PLXNC1: variants seen among roughly 807,000 people sequenced by gnomAD.
PLXNC1 encodes plexin C1.
PLXNC1 carries 75 observed loss-of-function variants against 178.2 expected under a neutral mutation model. The observed-to-expected ratio is 0.42, with a 90% CI of 0.35 to 0.51. The LOEUF is 0.51. Among genes scored for constraint, PLXNC1 ranks in the 20% least tolerant of loss-of-function variants. PLXNC1 has a pLI of 0.02. For missense variants in PLXNC1, 1,503 were observed against 1,984.4 expected (o/e 0.76, Z 4.61); for synonymous variants, 790 against 779.9 (o/e 1.01, Z -0.22).
In PLXNC1 at chr12:94,148,754, G is replaced by T. The variant is rs1318582771; in HGVS notation, c.-218G>T. On this transcript the variant is annotated 5_prime_UTR_variant, in exon 1 of 31. Coordinates refer to ENST00000258526, the MANE Select transcript of PLXNC1 (RefSeq NM_005761.3). This position sits in a 1 kb window ranked among gnomAD's most constrained non-coding sequence, Gnocchi z 4.8. ...AGGAAACGGTGCCGGAGCGCGCAGG[G>T]CTTGCTGCCGCCACCGCCGCTGCAC... The T allele has an allele frequency of 1.3e-5, 2 of 151,418 alleles. No homozygotes were observed. Among genetic ancestry groups the T allele is most frequent in the Non-Finnish European group, 3.0e-5 (2 of 67,684 alleles). 9.4% of individuals were successfully genotyped at this position (151,418 alleles called of 1,614,324 possible).
At chr12:94,179,330 A>G (rs1319829166) in intron 2 of PLXNC1, among the ~76,000 whole-genome samples, 2 of 152,226 alleles carry the variant, frequency 1.3e-5, no homozygotes, top group Non-Finnish European at 2.9e-5. Flanking sequence ...GAATACAGAT[A>G]ATCTATCTGG....
chr12:94,249,945 G>GTGGGGGGA (rs1488983352), intron 14 of PLXNC1, among the ~76,000 whole-genome samples: 5 of 125,186 alleles, frequency 4.0e-5, no homozygotes, highest in Admixed American at 8.5e-5. Flanking sequence ...GGGTGGGGGG[G>GTGGGGGGA]TGGGAACAGG....
At chr12:94,164,682 CACACACACACACACACACACACACGT>C (rs1380960310) in intron 1 of PLXNC1, among the ~76,000 whole-genome samples, 62 of 150,860 alleles carry the variant, frequency 4.1e-4, no homozygotes, top group African/African-American at 1.5e-3. Flanking sequence ...CACACACACA[CACACACACACACACACACACACACGT>C]ACACACACAA....
intron 15 of PLXNC1, among the ~76,000 whole-genome samples, chr12:94,252,757 A>T (rs1361777050): frequency 6.6e-6 from 1 of 152,200 alleles, no homozygotes; most frequent in East Asian, 1.9e-4. Flanking sequence ...GGTTTTGACC[A>T]CAGTCGCCAC....
intron 2 of PLXNC1, among the ~76,000 whole-genome samples, chr12:94,177,481 T>TA (rs1565794759): frequency 1.4e-5 from 2 of 138,794 alleles, no homozygotes; most frequent in Non-Finnish European, 3.1e-5. Flanking sequence ...TGATAACTTG[T>TA]AAAAAAAGAA....
intron 9 of PLXNC1, among the ~76,000 whole-genome samples, chr12:94,232,245 C>G (rs1964122648): frequency 6.6e-6 from 1 of 152,160 alleles, no homozygotes; most frequent in African/African-American, 2.4e-5. Flanking sequence ...CGCCACCATG[C>G]CCAGCTAATT....
At chr12:94,181,887 T>TGTGGCACTGAACGG (rs1565797026) in intron 3 of PLXNC1, among the ~76,000 whole-genome samples, 6 of 152,168 alleles carry the variant, frequency 3.9e-5, no homozygotes, top group Admixed American at 1.3e-4. Context: ...TACACATTTA[T>TGTGGCACTGAACGG]TGTGTGGGCA....
intron 23 of PLXNC1, among the ~76,000 whole-genome samples, chr12:94,291,682 C>T (rs529912463): frequency 6.6e-5 from 10 of 152,230 alleles, no homozygotes; most frequent in Non-Finnish European, 1.2e-4. Flanking sequence ...CATTAACAGT[C>T]ACTCCTTATT....
At chr12:94,217,941 A>T (rs1963691036) in intron 5 of PLXNC1, among the ~76,000 whole-genome samples, 1 of 152,260 alleles carries the variant, frequency 6.6e-6, no homozygotes, top group African/African-American at 2.4e-5. Context: ...AAATGGAATA[A>T]TTATAGTTAT....
At chr12:94,251,394 A>T (rs758659608) in intron 14 of PLXNC1, 32 bp from the exon 15 acceptor site, 3 of 1,277,434 alleles carry the variant, frequency 2.3e-6, no homozygotes, top group South Asian at 2.4e-5. Flanking sequence ...CCCCAACTCA[A>T]TTGGGTCTAA....
At chr12:94,212,275 A>G (rs28539040) in intron 5 of PLXNC1, among the ~76,000 whole-genome samples, 1 of 18,018 alleles carries the variant, frequency 5.6e-5, no homozygotes, top group East Asian at 4.6e-3. Flanking sequence ...CTCCGTCTCA[A>G]AAAAAAAAAA....
chr12:94,266,185 GA>G (rs1965228893), intron 21 of PLXNC1, among the ~76,000 whole-genome samples: 1 of 152,180 alleles, frequency 6.6e-6, no homozygotes, highest in African/African-American at 2.4e-5. Flanking sequence ...CCTAATTGGA[GA>G]AGGCACCACT....
chr12:94,273,380 C>G (rs1307175358), intron 21 of PLXNC1, among the ~76,000 whole-genome samples: 2 of 152,060 alleles, frequency 1.3e-5, no homozygotes, highest in African/African-American at 4.8e-5. Flanking sequence ...GACCTGATAG[C>G]CTGAGTGAGT....
chr12:94,258,402 A>G (rs1249461334), intron 17 of PLXNC1, among the ~76,000 whole-genome samples: 2 of 152,144 alleles, frequency 1.3e-5, no homozygotes, highest in African/African-American at 4.8e-5. Context: ...AAAATTCTCT[A>G]CAGAAGAAAT....
At chr12:94,254,970 C>A in intron 16 of PLXNC1, 82 bp downstream of exon 16, 1 of 1,133,422 alleles carries the variant, frequency 8.8e-7, no homozygotes, top group Non-Finnish European at 1.3e-6. Context: ...TAGAGATGGC[C>A]ACAGTAATGA....
At chr12:94,185,107 T>G (rs1274391958) in intron 3 of PLXNC1, among the ~76,000 whole-genome samples, 1 of 152,218 alleles carries the variant, frequency 6.6e-6, no homozygotes, top group Non-Finnish European at 1.5e-5. Flanking sequence ...TGACACTTAT[T>G]AAAATCCATC....
At chr12:94,163,403 C>T (rs898086927) in intron 1 of PLXNC1, among the ~76,000 whole-genome samples, 8 of 152,018 alleles carry the variant, frequency 5.3e-5, no homozygotes, top group African/African-American at 1.7e-4. Context: ...TGCAGTTTCA[C>T]GCTATCTGCC....
At chr12:94,284,093 A>AAAAG (rs1966662560) in intron 23 of PLXNC1, among the ~76,000 whole-genome samples, 1 of 151,288 alleles carries the variant, frequency 6.6e-6, no homozygotes, top group Non-Finnish European at 1.5e-5. Context: ...AGGGGAAAAA[A>AAAAG]AAAAAAAAAA....
chr12:94,227,833 G>A (rs1408069357), intron 9 of PLXNC1, among the ~76,000 whole-genome samples: 1 of 152,168 alleles, frequency 6.6e-6, no homozygotes, highest in African/African-American at 2.4e-5. Flanking sequence ...GAAAAGAGGG[G>A]ACATGTCAAC....
Sources: allele counts gnomAD v4.1 joint callset (sites outside exome capture counted in the v4.1 genomes callset), GRCh38; gene constraint gnomAD v4.1.1; non-coding constraint Gnocchi (gnomAD v3.1); transcripts MANE v1.5; gene names NCBI Gene and HGNC (gene_info 2026-07-23, HGNC 2026-07-21).